Variants in ENPEP observed in about 807,000 individuals in gnomAD.
The protein encoded by ENPEP is glutamyl aminopeptidase, also known as AP-A.
Under a neutral mutation model 114.5 loss-of-function variants are expected in ENPEP, and 103 were observed. The ratio of observed to expected loss-of-function variants is 0.90; its 90% CI spans 0.77 to 1.06. The LOEUF is 1.06. Among genes scored for constraint, ENPEP ranks in the 50% least tolerant of loss-of-function variants. ENPEP has a pLI of 0.00. For missense variants in ENPEP, 1,196 were observed against 1,161.3 expected, an observed-to-expected ratio of 1.03 and a Z score of -0.43; for synonymous variants, 420 against 422.0, an observed-to-expected ratio of 1.00 and a Z score of 0.06.
chr4:110,559,344 A>G (rs1346588779), intron 18 of ENPEP, among the ~76,000 whole-genome samples: 1 of 152,062 alleles, frequency 6.6e-6, no homozygotes, highest in Non-Finnish European at 1.5e-5. Context: ...AGAGCCTGAG[A>G]AACAGTCTCT....
chr4:110,503,370 T>C (rs1453108145), intron 3 of ENPEP, among the ~76,000 whole-genome samples: 1 of 152,238 alleles, frequency 6.6e-6, no homozygotes, highest in Non-Finnish European at 1.5e-5. Flanking sequence ...AGTGTGTTTT[T>C]TTTAGCTCTG....
intron 11 of ENPEP, among the ~76,000 whole-genome samples, chr4:110,532,061 G>A (rs2110375392): frequency 6.6e-6 from 1 of 152,188 alleles, no homozygotes; most frequent in African/African-American, 2.4e-5. Flanking sequence ...ATATTAATGA[G>A]GTATGATTTC....
In ENPEP at chr4:110,561,677, G is replaced by A; in HGVS notation, c.*119G>A. 1 of 951,986 alleles carries A rather than the reference G, an allele frequency of 1.1e-6. No individual in the cohort carries two copies. The highest frequency in any genetic ancestry group is 1.5e-6 in the Non-Finnish European group (1 of 650,474). 59.0% of individuals were successfully genotyped at this position (951,986 alleles called of 1,614,324 possible). ...TATAAACAGATAATGCTTTTACTAA[G>A]CACTGTGTTTATATGTCTTGCAAAG... On this transcript the variant is annotated 3_prime_UTR_variant, in exon 20 of 20. Transcript: ENST00000265162.
At position 110,531,247 on chromosome 4, in the gene ENPEP, AG is replaced by A; in HGVS notation, c.1778del (p.Ser593MetfsTer14). The A allele has an allele frequency of 6.8e-7, 1 of 1,463,700 alleles. No individual in the cohort carries two copies. Among genetic ancestry groups the A allele is most frequent in the Non-Finnish European group, 9.2e-7 (1 of 1,089,258 alleles). 90.7% of individuals were successfully genotyped at this position (1,463,700 alleles called of 1,614,324 possible). ...VKWTEDNITS[S>X]VLFNRSEKEG... is the part of the protein sequence containing the mutation. ...ATGGACTGAAGATAATATAACAAGC[AG>A]TGTGTTATTTAATAGGTCAGAAAAA... is the stretch of plus-strand genomic sequence containing the variant. On this transcript the variant is annotated frameshift_variant, in exon 11 of 20. Coordinates refer to ENST00000265162, the MANE Select transcript of ENPEP (RefSeq NM_001977.4). LOFTEE classifies it high-confidence loss of function.
intron 8 of ENPEP, chr4:110,515,971 A>C (rs2348433): frequency 0.57 from 178,506 of 310,834 alleles, 52,146 homozygotes; most frequent in East Asian, 0.66. Context: ...GCCTCACGAT[A>C]TCATCTAAAT....
At chr4:110,521,139 G>A (rs760369700) in intron 10 of ENPEP, among the ~76,000 whole-genome samples, 1 of 152,154 alleles carries the variant, frequency 6.6e-6, no homozygotes, top group Non-Finnish European at 1.5e-5. Context: ...CTGCTCAGCA[G>A]AGAAACTTAC....
intron 8 of ENPEP, among the ~76,000 whole-genome samples, chr4:110,517,602 C>G (rs867351153): frequency 6.6e-6 from 1 of 152,216 alleles, no homozygotes; most frequent in Middle Eastern, 3.4e-3. Flanking sequence ...TCTCATATTT[C>G]CTTTAACCTA....
intron 3 of ENPEP, among the ~76,000 whole-genome samples, chr4:110,494,364 T>C (rs1469969387): frequency 6.6e-6 from 1 of 152,238 alleles, no homozygotes; most frequent in Non-Finnish European, 1.5e-5. Flanking sequence ...TATTACTTTT[T>C]TAGTAAAAAA....
chr4:110,477,010 C>T lies in ENPEP; in HGVS notation c.596C>T (p.Ser199Phe), dbSNP rs1298528080. The T allele has an allele frequency of 1.9e-6, 3 of 1,614,130 alleles. No individual in the cohort carries two copies. The highest frequency in any genetic ancestry group is 2.5e-6 in the Non-Finnish European group (3 of 1,180,020). The change falls in exon 1 of 20, where the codon TCC (serine) becomes TTC (phenylalanine). Residue 199 changes from serine to phenylalanine, a missense_variant. Physicochemically the swap from Ser to Phe is radical, Grantham distance 155. Coordinates refer to ENST00000265162, the MANE Select transcript of ENPEP (RefSeq NM_001977.4). Reference sequence around the variant, plus strand: ...GAGTTCGCCGGCTGGCTGAACGGCTCCCTCGTGGGATTTTATAGAACCACC... The same window carrying T: ...GAGTTCGCCGGCTGGCTGAACGGCTTCCTCGTGGGATTTTATAGAACCACC... ...TMEFAGWLNG[S>F]LVGFYRTTYT...
rs146630750 is a variant in ENPEP at position 110,539,873 on chromosome 4, T to G, written c.1808-2878T>G. ...AAGCTGTCTACTTGTCTAAAATTTT[T>G]TATAATTATTTATAATAGATAGTAA... On this transcript the variant is annotated intron_variant, in intron 11 of 19. Transcript: ENST00000265162. Among the ~76,000 whole-genome samples, 516 of 152,252 alleles carry G rather than the reference T, an allele frequency of 3.4e-3. 21 individuals carry two copies. The South Asian group carries it at 0.044, about 13-fold the overall frequency.
chr4:110,512,136 T>TA (rs1725600132), intron 6 of ENPEP, among the ~76,000 whole-genome samples: 1 of 152,190 alleles, frequency 6.6e-6, no homozygotes, highest in Admixed American at 6.5e-5. Context: ...TTCTTGCCCT[T>TA]AAGGAGTTCT....
intron 4 of ENPEP, 72 bp from the exon 5 acceptor site, chr4:110,509,576 ATAACT>A (rs138681384): frequency 1.3e-4 from 204 of 1,512,340 alleles, no homozygotes; most frequent in Non-Finnish European, 1.7e-4. Flanking sequence ...ATTCATCCAA[ATAACT>A]TAATTTGGTA....
chr4:110,499,597 T>C (rs898147384), intron 3 of ENPEP, among the ~76,000 whole-genome samples: 2 of 152,328 alleles, frequency 1.3e-5, no homozygotes, highest in Non-Finnish European at 2.9e-5. Flanking sequence ...GTAGTTTGAA[T>C]ACTATATGTT....
Position 110,562,840 on chromosome 4 carries a change from TGTAAG to T in ENPEP, c.*1287_*1291del, listed in dbSNP as rs1159229191. On this transcript the variant is annotated 3_prime_UTR_variant, in exon 20 of 20. Coordinates refer to ENST00000265162, the MANE Select transcript of ENPEP (RefSeq NM_001977.4). Reference sequence around the variant, plus strand: ...TAAATTTATTTGGAACTTTCAAAAATGTAAGGTAATTTAGAATCGGCTTGATGAGA... The same window carrying T: ...TAAATTTATTTGGAACTTTCAAAAATGTAATTTAGAATCGGCTTGATGAGA... 3 of 152,144 alleles carry T rather than the reference TGTAAG, an allele frequency of 2.0e-5. No homozygotes were observed. The highest frequency in any genetic ancestry group is 2.9e-5 in the Non-Finnish European group (2 of 67,992). The allele number at this position is 152,144 out of a possible 1,614,324, so 9.4% of individuals were successfully genotyped here. A position where few individuals can be genotyped will look rare whatever the true frequency, so the allele number is the denominator to read the frequency against.
At chr4:110,533,993 ACTAGAGGTCTTTTT>A (rs879232031) in intron 11 of ENPEP, among the ~76,000 whole-genome samples, 5 of 152,326 alleles carry the variant, frequency 3.3e-5, no homozygotes, top group Admixed American at 3.3e-4. Context: ...CCAGAAGCAA[ACTAGAGGTCTTTTT>A]CTACTTCAAA....
chr4:110,543,168 G>C (rs937099696), intron 13 of ENPEP, 98 bp downstream of exon 13: 60 of 1,151,488 alleles, frequency 5.2e-5, no homozygotes, highest in Admixed American at 3.3e-4. Context: ...ATCAATTTTA[G>C]CTTAAAATAT....
In ENPEP at chr4:110,509,763, C is replaced by T. The variant is rs1326994952; in HGVS notation, c.1150C>T (p.Gln384Ter). 1.9e-5 allele frequency: 31 copies of T among 1,614,062 alleles called. No homozygotes were observed. The highest frequency in any genetic ancestry group is 2.5e-5 in the Non-Finnish European group (30 of 1,180,032). Residue 384 changes from glutamine (Q) to a stop codon, truncating the protein, a stop_gained, in exon 5 of 20, where the codon CAA becomes TAA. Coordinates refer to ENST00000265162, the MANE Select transcript of ENPEP (RefSeq NM_001977.4). LOFTEE classifies it high-confidence loss of function. ...CCCTAAGGAATCAGCCTCATCAAAC[C>T]AACAGAGGGTGGCCACTGTGGTTGC... ...YDPKESASSNQQRVATVVAHE... is the reference protein window; with the variant it reads ...YDPKESASSN
intron 19 of ENPEP, 70 bp downstream of exon 19, chr4:110,559,795 C>CT (rs1178169714): frequency 7.8e-6 from 10 of 1,278,062 alleles, no homozygotes; most frequent in Admixed American, 1.9e-5. Flanking sequence ...AAAAATTTTA[C>CT]TTTAAGTTCT....
chr4:110,507,952 A>G (rs1725429649), intron 4 of ENPEP, among the ~76,000 whole-genome samples: 1 of 152,224 alleles, frequency 6.6e-6, no homozygotes. Context: ...TCTAGGTGAC[A>G]GAAGACCTCA....
Sources: gnomAD v4.1 joint callset for allele counts (sites outside exome capture counted in the v4.1 genomes callset) on GRCh38, gnomAD v4.1.1 for gene constraint, MANE v1.5 for transcripts, NCBI Gene and HGNC (gene_info 2026-07-23, HGNC 2026-07-21) for gene names.